RIMS2: variants seen among roughly 807,000 people sequenced by gnomAD.
The protein encoded by RIMS2 is regulating synaptic membrane exocytosis protein 2.
Under a neutral mutation model 174.4 loss-of-function variants are expected in RIMS2, and 59 were observed. That is an observed-to-expected ratio of 0.34 (90% CI 0.27 to 0.42). The LOEUF (loss-of-function observed/expected upper bound fraction) is 0.42, where lower values mean the gene tolerates loss of function less well. Ranked by LOEUF, RIMS2 falls within the 10% of genes least tolerant of loss-of-function variation. The pLI, the probability that RIMS2 is intolerant of heterozygous loss-of-function variation, is 1.00. For synonymous variants in RIMS2, 606 were observed against 572.5 expected (o/e 1.06, Z -0.84); for missense variants, 1,620 against 1,666.3 (o/e 0.97, Z 0.48).
intron 19 of RIMS2, among the ~76,000 whole-genome samples, chr8:104,168,243 A>G (rs373663770): frequency 1.2e-3 from 189 of 152,148 alleles, no homozygotes; most frequent in African/African-American, 4.4e-3. Flanking sequence ...AAATCTGTAG[A>G]TTGCTTTGGG....
intron 3 of RIMS2, among the ~76,000 whole-genome samples, chr8:103,769,454 G>A (rs912026862): frequency 1.3e-5 from 2 of 152,134 alleles, no homozygotes; most frequent in African/African-American, 4.8e-5. Flanking sequence ...CTCCCAAGTA[G>A]ATGGGATTAC....
intron 1 of RIMS2, among the ~76,000 whole-genome samples, chr8:103,597,694 T>TGATAGGTAACTATAAAGGCACCTCA (rs2094530140): frequency 6.6e-6 from 1 of 151,996 alleles, no homozygotes; most frequent in Non-Finnish European, 1.5e-5. Flanking sequence ...TCTGCATCTA[T>TGATAGGTAACTATAAAGGCACCTCA]GATAGGTAAC....
intron 3 of RIMS2, among the ~76,000 whole-genome samples, chr8:103,864,445 A>G (rs180955477): frequency 1.1e-4 from 16 of 152,236 alleles, no homozygotes; most frequent in Non-Finnish European, 2.4e-4. Flanking sequence ...GTCATTTAGG[A>G]GCAAGTTAAT....
At chr8:104,186,811 T>C (rs1004407442) in intron 19 of RIMS2, among the ~76,000 whole-genome samples, 3 of 151,780 alleles carry the variant, frequency 2.0e-5, no homozygotes, top group Non-Finnish European at 4.4e-5. Flanking sequence ...CTCCTTGGCC[T>C]TTTGCCTATT....
At chr8:103,827,204 T>G (rs186954550) in intron 3 of RIMS2, among the ~76,000 whole-genome samples, 6 of 152,166 alleles carry the variant, frequency 3.9e-5, no homozygotes, top group Admixed American at 3.9e-4. Flanking sequence ...AAAATTTCCG[T>G]AAGTATTTTA....
chr8:103,843,066 C>T (rs2098949586), intron 3 of RIMS2, among the ~76,000 whole-genome samples: 1 of 152,162 alleles, frequency 6.6e-6, no homozygotes, highest in African/African-American at 2.4e-5. Flanking sequence ...AATTAATCAC[C>T]TCTTTAAAGG....
chr8:103,941,911 C>T lies in RIMS2; in HGVS notation c.2548-862C>T, dbSNP rs113634872. Among the ~76,000 whole-genome samples the T allele has an allele frequency of 7.0e-4, 107 of 152,030 alleles. 2 individuals carry two copies. Among genetic ancestry groups the T allele is most frequent in the Admixed American group, 2.2e-3 (34 of 15,270 alleles). The stretch of plus-strand genomic sequence containing the variant: ...TGCTTATGAAAATTAAACAATAAGA[C>T]GAAGCTAGTAATTTTTTAATAATTA... On this transcript the variant is annotated intron_variant, in intron 13 of 23. Transcript: ENST00000504942.
chr8:104,160,417 A>T (rs1364580434), intron 19 of RIMS2, among the ~76,000 whole-genome samples: 1 of 152,220 alleles, frequency 6.6e-6, no homozygotes, highest in African/African-American at 2.4e-5. Context: ...TTAAACTGAT[A>T]TATTGATGTT....
intron 19 of RIMS2, among the ~76,000 whole-genome samples, chr8:104,020,184 G>T (rs114867481): frequency 6.6e-6 from 1 of 151,664 alleles, no homozygotes; most frequent in African/African-American, 2.4e-5. Flanking sequence ...GCATGGATTT[G>T]TTTCCCTATT....
intron 1 of RIMS2, among the ~76,000 whole-genome samples, chr8:103,614,681 A>T (rs1469526740): frequency 1.3e-5 from 2 of 152,196 alleles, no homozygotes; most frequent in African/African-American, 4.8e-5. Flanking sequence ...TTTCTACTCA[A>T]GTTTCCAAAA....
At chr8:104,114,142 A>C (rs1298406517) in intron 19 of RIMS2, among the ~76,000 whole-genome samples, 1 of 152,056 alleles carries the variant, frequency 6.6e-6, no homozygotes, top group South Asian at 2.1e-4. Flanking sequence ...AGTAATTTTC[A>C]TGTTCTCTAA....
chr8:103,917,302 T>A (rs1006020916), intron 8 of RIMS2, among the ~76,000 whole-genome samples: 1 of 152,186 alleles, frequency 6.6e-6, no homozygotes, highest in African/African-American at 2.4e-5. Flanking sequence ...TAGGAAATGA[T>A]GGGCCTGTAT....
intron 12 of RIMS2, among the ~76,000 whole-genome samples, chr8:103,932,780 G>T (rs982370403): frequency 6.6e-6 from 1 of 152,112 alleles, no homozygotes; most frequent in Non-Finnish European, 1.5e-5. Context: ...AGCTCTTCTA[G>T]GCTGGGTGCA....
At chr8:103,982,257 G>A (rs561142148) in intron 16 of RIMS2, among the ~76,000 whole-genome samples, 1 of 151,924 alleles carries the variant, frequency 6.6e-6, no homozygotes, top group East Asian at 1.9e-4. Context: ...ATAATGAACA[G>A]TCTCCCAGTA....
rs954935486 is a variant in RIMS2 at position 104,118,620 on chromosome 8, C to T, written c.3334+104005C>T. Among the ~76,000 whole-genome samples the T allele has an allele frequency of 3.9e-5, 6 of 151,982 alleles. No individual in the cohort carries two copies. The East Asian group carries it at 1.2e-3, about 29-fold the overall frequency. On this transcript the variant is annotated intron_variant, in intron 19 of 23. Transcript: ENST00000504942. ...CTGGCCTCAGGTGATCTGCCTGCCTCGGCCTCCCAAAGTGCTGGGATTATA... is the reference window on the plus strand; with the variant it reads ...CTGGCCTCAGGTGATCTGCCTGCCTTGGCCTCCCAAAGTGCTGGGATTATA...
intron 1 of RIMS2, among the ~76,000 whole-genome samples, chr8:103,502,511 G>T (rs1052671330): frequency 1.3e-5 from 2 of 152,068 alleles, no homozygotes; most frequent in Non-Finnish European, 2.9e-5. Flanking sequence ...ACTTATTTGG[G>T]AATGTTATTT....
rs550557615 is a variant in RIMS2 at position 103,920,196 on chromosome 8, T to C, written c.2084-1476T>C. Among the ~76,000 whole-genome samples the C allele has an allele frequency of 3.9e-5, 6 of 152,286 alleles. No homozygotes were observed. In the East Asian group the frequency reaches 7.7e-4, roughly 20 times the overall value. ...AACATTGAGTTTTTTTCCAAGCCCC[T>C]GTCCTTAACCCTCTTTATTCCTGGT... On this transcript the variant is annotated intron_variant, in intron 9 of 23. Coordinates refer to ENST00000504942, the Ensembl canonical transcript of RIMS2.
At chr8:103,936,429 T>G in intron 12 of RIMS2, 122 bp from the exon 15 acceptor site, 1 of 573,132 alleles carries the variant, frequency 1.7e-6, no homozygotes, top group Non-Finnish European at 3.0e-6. Flanking sequence ...ACATTTGCAA[T>G]GTATGATAAT....
At chr8:104,048,739 T>A (rs928351516) in intron 19 of RIMS2, among the ~76,000 whole-genome samples, 2 of 152,168 alleles carry the variant, frequency 1.3e-5, no homozygotes, top group African/African-American at 4.8e-5. Flanking sequence ...TTTCTTTTTT[T>A]GTAATTTGAA....
Sources: allele counts gnomAD v4.1 joint callset (sites outside exome capture counted in the v4.1 genomes callset), GRCh38; gene constraint gnomAD v4.1.1; transcripts MANE v1.5; gene names NCBI Gene and HGNC (gene_info 2026-07-23, HGNC 2026-07-21).